Variants in PLCE1 observed in about 807,000 individuals in gnomAD.
PLCE1 encodes the protein 1-phosphatidylinositol 4,5-bisphosphate phosphodiesterase epsilon-1.
PLCE1 carries 119 observed loss-of-function variants against 242.8 expected under a neutral mutation model. The observed-to-expected ratio is 0.49, with a 90% CI of 0.42 to 0.57. The LOEUF is 0.57. PLCE1 is among the 20% of genes least tolerant of loss of function. PLCE1 has a pLI of 0.00. For synonymous variants in PLCE1, 945 were observed against 1,017.4 expected (o/e 0.93, Z 1.35); for missense variants, 2,441 against 2,788.8 (o/e 0.88, Z 2.81).
chr10:94,083,077 A>T (rs80332823), intron 2 of PLCE1, among the ~76,000 whole-genome samples: 4,622 of 152,302 alleles, frequency 0.03, 94 homozygotes, highest in Non-Finnish European at 0.045. Flanking sequence ...CAAGCTCCTG[A>T]TAAGAAGGAA....
chr10:94,080,876 G>A (rs964613405), intron 2 of PLCE1, among the ~76,000 whole-genome samples: 16 of 152,172 alleles, frequency 1.1e-4, no homozygotes, highest in Non-Finnish European at 1.8e-4. Flanking sequence ...ACTTGCAGGT[G>A]GAAACATTTG....
At chr10:94,159,268 A>G (rs1335905267) in intron 3 of PLCE1, among the ~76,000 whole-genome samples, 1 of 152,154 alleles carries the variant, frequency 6.6e-6, no homozygotes, top group African/African-American at 2.4e-5. Context: ...GACAAGCCAG[A>G]CACATTTGTT....
chr10:94,248,531 A>AGT (rs1421721741), intron 8 of PLCE1, among the ~76,000 whole-genome samples: 1 of 152,182 alleles, frequency 6.6e-6, no homozygotes, highest in African/African-American at 2.4e-5. Context: ...TGGAGGTTGC[A>AGT]GTGAGCCAAG....
intron 1 of PLCE1, among the ~76,000 whole-genome samples, chr10:94,011,049 T>C (rs1317005314): frequency 3.9e-5 from 6 of 152,180 alleles, no homozygotes; most frequent in Non-Finnish European, 1.5e-5. Context: ...TCTGTGTTAG[T>C]CATTCTTGCA....
intron 27 of PLCE1, among the ~76,000 whole-genome samples, chr10:94,308,910 T>C (rs2053292401): frequency 6.6e-6 from 1 of 152,218 alleles, no homozygotes; most frequent in Non-Finnish European, 1.5e-5. Context: ...AGCTATTTAG[T>C]ATCATCTCCA....
chr10:94,237,837 G>A (rs1407877630), intron 7 of PLCE1, among the ~76,000 whole-genome samples: 1 of 152,196 alleles, frequency 6.6e-6, no homozygotes, highest in Non-Finnish European at 1.5e-5. Context: ...TTTGTCCAGT[G>A]CAGGGTTATG....
intron 4 of PLCE1, among the ~76,000 whole-genome samples, chr10:94,200,441 A>G (rs1035538338): frequency 6.6e-6 from 1 of 152,264 alleles, no homozygotes; most frequent in Non-Finnish European, 1.5e-5. Context: ...CTTGCAAGAC[A>G]AAGTAAAGGA....
chr10:94,285,463 C>T (rs2052406008), intron 22 of PLCE1, among the ~76,000 whole-genome samples: 1 of 152,182 alleles, frequency 6.6e-6, no homozygotes, highest in African/African-American at 2.4e-5. Flanking sequence ...GACTCATGTG[C>T]TTAAAAATGA....
chr10:94,298,311 A>C lies in PLCE1; in HGVS notation c.5168-68A>C. On this transcript the variant is annotated intron_variant, in intron 23 of 32. Coordinates refer to ENST00000371380, the MANE Select transcript of PLCE1 (RefSeq NM_016341.4). This position sits in a 1 kb window ranked among gnomAD's most constrained non-coding sequence, Gnocchi z 5.2. ...ATGACTGTTTACTGGGATGTTGTTC[A>C]GGTTTATCTTTCTAAAATATTTAAA... 7.2e-7 allele frequency: 1 copy of C among 1,388,366 alleles called. No individual in the cohort carries two copies. The highest frequency in any genetic ancestry group is 2.3e-5 in the East Asian group (1 of 43,798). 86.0% of individuals were successfully genotyped at this position (1,388,366 alleles called of 1,614,324 possible).
At chr10:94,117,718 G>A (rs946518607) in intron 2 of PLCE1, among the ~76,000 whole-genome samples, 1 of 152,194 alleles carries the variant, frequency 6.6e-6, no homozygotes, top group Non-Finnish European at 1.5e-5. Context: ...TATATACACT[G>A]CTGTTGACAC....
intron 27 of PLCE1, among the ~76,000 whole-genome samples, chr10:94,312,773 T>A (rs902986636): frequency 6.6e-6 from 1 of 152,214 alleles, no homozygotes; most frequent in African/African-American, 2.4e-5. Flanking sequence ...TGAATATATC[T>A]TAATACACAA....
chr10:94,133,114 T>A (rs1357810508), intron 3 of PLCE1, among the ~76,000 whole-genome samples: 1 of 152,050 alleles, frequency 6.6e-6, no homozygotes, highest in African/African-American at 2.4e-5. Flanking sequence ...GAAACAAATA[T>A]AGTCAAGCAG....
intron 27 of PLCE1, among the ~76,000 whole-genome samples, chr10:94,312,081 T>C (rs1168840758): frequency 6.6e-6 from 1 of 152,230 alleles, no homozygotes; most frequent in Non-Finnish European, 1.5e-5. Context: ...ATCTGGGGTT[T>C]TGTAAATGTT....
chr10:94,306,498 C>T lies in PLCE1; in HGVS notation c.5694C>T (p.Gly1898=). ...CGTGCATTGAAGTCGACGTCCTGGG[C>T]ATGCCTCTGGACAGCTGCCATTTCC... ...GSPCIEVDVL[G]MPLDSCHFRT... Residue 1898 remains glycine, a synonymous_variant, in exon 26 of 33, where the codon GGC becomes GGT. Transcript: ENST00000371380. The surrounding 1 kb of genome is among the most constrained non-coding windows in gnomAD (Gnocchi z 5.7). The T allele has an allele frequency of 6.2e-7, 1 of 1,614,148 alleles. No homozygotes were observed. The highest frequency in any genetic ancestry group is 1.1e-5 in the South Asian group (1 of 91,084).
chr10:94,254,794 G>T, intron 10 of PLCE1, 99 bp from the exon 11 acceptor site: 2 of 1,326,060 alleles, frequency 1.5e-6, no homozygotes, highest in South Asian at 1.2e-5. Context: ...TGCATAGGTT[G>T]ATTTGCTCAG....
intron 4 of PLCE1, among the ~76,000 whole-genome samples, chr10:94,188,917 T>C (rs1406368796): frequency 1.3e-5 from 2 of 151,952 alleles, no homozygotes; most frequent in Non-Finnish European, 2.9e-5. Flanking sequence ...GTATAGCATT[T>C]TGATAGACAT....
chr10:94,151,839 C>A (rs1446739830), intron 3 of PLCE1, among the ~76,000 whole-genome samples: 1 of 152,164 alleles, frequency 6.6e-6, no homozygotes, highest in Non-Finnish European at 1.5e-5. Context: ...CAAGCCCCCT[C>A]CACAAAACAA....
intron 32 of PLCE1, among the ~76,000 whole-genome samples, chr10:94,326,033 C>T (rs1055776702): frequency 1.3e-5 from 2 of 152,180 alleles, no homozygotes; most frequent in African/African-American, 4.8e-5. Context: ...AAATTATTTA[C>T]ATGAGACCTG....
intron 2 of PLCE1, among the ~76,000 whole-genome samples, chr10:94,084,710 T>G (rs981449044): frequency 1.3e-5 from 2 of 152,216 alleles, no homozygotes; most frequent in African/African-American, 4.8e-5. Flanking sequence ...GAAAAATTTC[T>G]CTTGCTGCTT....
Sources: allele counts gnomAD v4.1 joint callset (sites outside exome capture counted in the v4.1 genomes callset), GRCh38; gene constraint gnomAD v4.1.1; non-coding constraint Gnocchi (gnomAD v3.1); transcripts MANE v1.5; gene names NCBI Gene and HGNC (gene_info 2026-07-23, HGNC 2026-07-21).